Variants in TRIB3 observed in about 807,000 individuals in gnomAD.
TRIB3 encodes the protein tribbles pseudokinase 3.
A neutral mutation model predicts 16.6 loss-of-function variants in TRIB3; 20 were observed. The observed-to-expected ratio is 1.20, with a 90% CI of 0.85 to 1.75. The LOEUF (loss-of-function observed/expected upper bound fraction) is 1.75. Among genes scored for constraint, TRIB3 ranks in the 40% most tolerant of loss-of-function variants. The pLI, the probability that TRIB3 is intolerant of heterozygous loss-of-function variation, is 0.00. For missense variants in TRIB3, 484 were observed against 488.9 expected (o/e 0.99, Z 0.10); for synonymous variants, 208 against 217.0 (o/e 0.96, Z 0.36).
At chr20:387,413 T>C (rs151264003) in intron 1 of TRIB3, among the ~76,000 whole-genome samples, 51 of 151,938 alleles carry the variant, frequency 3.4e-4, no homozygotes, top group African/African-American at 1.2e-3. Context: ...ATATATAACA[T>C]ATTTATATAT....
chr20:390,053 G>A (rs2014930667), intron 2 of TRIB3, among the ~76,000 whole-genome samples: 1 of 152,166 alleles, frequency 6.6e-6, no homozygotes, highest in Non-Finnish European at 1.5e-5. Flanking sequence ...GTGGCCGGGC[G>A]CGGTGGCTCA....
Position 396,529 on chromosome 20 carries a change from G to A in TRIB3, c.916G>A (p.Ala306Thr), listed in dbSNP as rs1315713203. The A allele has an allele frequency of 3.7e-6, 6 of 1,613,048 alleles. No individual in the cohort carries two copies. The highest frequency in any genetic ancestry group is 5.1e-6 in the Non-Finnish European group (6 of 1,180,040). The change falls in exon 4 of 4, where the codon GCC becomes ACC. Residue 306 changes from alanine (A) to threonine (T), a missense_variant. By Grantham distance (58) the Ala-to-Thr change is moderately conservative. Transcript: ENST00000217233. Reference protein sequence around the residue: ...LRREPAERLTATGILLHPWLR... With the variant: ...LRREPAERLTTTGILLHPWLR... ...TCGGGAGCCAGCTGAACGGCTCACA[G>A]CCACAGGCATCCTCCTGCACCCCTG...
At chr20:382,953 C>A (rs2014704276) in intron 1 of TRIB3, among the ~76,000 whole-genome samples, 1 of 152,216 alleles carries the variant, frequency 6.6e-6, no homozygotes, top group South Asian at 2.1e-4. Context: ...ACTCATGTTG[C>A]CTTGTTAATC....
intron 1 of TRIB3, among the ~76,000 whole-genome samples, chr20:381,989 C>A (rs999460077): frequency 6.6e-6 from 1 of 152,190 alleles, no homozygotes; most frequent in Non-Finnish European, 1.5e-5. Context: ...GACTCGGACA[C>A]CCGCCGCCTT....
At chr20:384,488 C>T (rs1220319142) in intron 1 of TRIB3, among the ~76,000 whole-genome samples, 3 of 152,076 alleles carry the variant, frequency 2.0e-5, no homozygotes, top group African/African-American at 4.8e-5. Context: ...CTCAGCCTCC[C>T]GAGTAGCTGG....
chr20:393,370 C>T (rs2015032121), intron 3 of TRIB3, among the ~76,000 whole-genome samples: 1 of 151,706 alleles, frequency 6.6e-6, no homozygotes, highest in Non-Finnish European at 1.5e-5. Flanking sequence ...CTCACTCTGT[C>T]ACCCAGGCTG....
rs1449668826 is a variant in TRIB3 at position 396,674 on chromosome 20, T to A, written c.1061T>A (p.Val354Glu). Reference sequence around the variant, plus strand: ...AGGGAAGAGGAGGGAGACAGAGAAGTGGTTCTGTATGGCTAGGACCACCCT... The same window carrying A: ...AGGGAAGAGGAGGGAGACAGAGAAGAGGTTCTGTATGGCTAGGACCACCCT... ...EAREEEGDRE[V>E]VLYG is the part of the protein sequence containing the mutation. The change falls in exon 4 of 4, where the codon GTG (valine) becomes GAG (glutamate). Residue 354 changes from valine (V) to glutamate (E), a missense_variant. Transcript: ENST00000217233. 12 of 1,610,164 alleles carry A rather than the reference T, an allele frequency of 7.5e-6. No individual in the cohort carries two copies. The South Asian group carries it at 9.9e-5, about 13-fold the overall frequency.
chr20:382,124 T>TGTGTGTGC (rs1328381663), intron 1 of TRIB3, among the ~76,000 whole-genome samples: 4 of 115,366 alleles, frequency 3.5e-5, no homozygotes, highest in African/African-American at 1.3e-4. Context: ...TGTGTGTGTG[T>TGTGTGTGC]GTGCGTGCGC....
intron 2 of TRIB3, among the ~76,000 whole-genome samples, chr20:388,783 C>T (rs1038138301): frequency 1.3e-5 from 2 of 152,060 alleles, no homozygotes; most frequent in Non-Finnish European, 2.9e-5. Context: ...CTGGGCTGTG[C>T]GGAGCTACTG....
At chr20:382,489 GATGT>G (rs1212443088) in intron 1 of TRIB3, 2 of 1,526,382 alleles carry the variant, frequency 1.3e-6, no homozygotes, top group Non-Finnish European at 8.8e-7. Context: ...ACAGCCTTGA[GATGT>G]AAGGAGTGTC....
chr20:389,872 C>T (rs6133018), intron 2 of TRIB3, among the ~76,000 whole-genome samples: 13,183 of 152,250 alleles, frequency 0.087, 733 homozygotes, highest in South Asian at 0.27. Context: ...AGATCAAAAT[C>T]TTGTCTTTGT....
At chr20:393,117 TGCTCTC>T (rs879389264) in intron 3 of TRIB3, among the ~76,000 whole-genome samples, 26,616 of 142,692 alleles carry the variant, frequency 0.19, 3,028 homozygotes, top group East Asian at 0.29. Context: ...CTTTAACCAG[TGCTCTC>T]CAATGTTAAC....
chr20:382,390 TG>T, intron 1 of TRIB3: 1 of 754,200 alleles, frequency 1.3e-6, no homozygotes, highest in Non-Finnish European at 2.1e-6. Context: ...ACTACTGATG[TG>T]GCACAGGCCA....
intron 1 of TRIB3, chr20:382,681 CTGTAAGCTT>C: frequency 1.7e-6 from 2 of 1,174,760 alleles, no homozygotes; most frequent in Non-Finnish European, 2.4e-6. Flanking sequence ...CACGAAAAAC[CTGTAAGCTT>C]TGCATCCTGT....
intron 1 of TRIB3, chr20:382,683 G>C (rs559302237): frequency 2.6e-6 from 3 of 1,144,004 alleles, no homozygotes; most frequent in Non-Finnish European, 3.8e-6. Flanking sequence ...CGAAAAACCT[G>C]TAAGCTTTGC....
In TRIB3 at chr20:388,014, C is replaced by T. The variant is rs561436808; in HGVS notation, c.4C>T (p.Arg2Ter). Residue 2 changes from arginine to a stop codon, truncating the protein, a stop_gained, in exon 2 of 4, where the codon CGA (arginine) becomes TGA (stop). Transcript: ENST00000217233. LOFTEE classifies it high-confidence loss of function. M[R>*]ATPLAAPAGS... is the part of the protein sequence containing the mutation. ...GCTTTTCTCTCCTTTTTACCAGATG[C>T]GAGCCACCCCTCTGGCTGCTCCTGC... The T allele has an allele frequency of 8.1e-6, 13 of 1,610,564 alleles. No individual in the cohort carries two copies. Among genetic ancestry groups the T allele is most frequent in the African/African-American group, 5.3e-5 (4 of 74,994 alleles).
At position 394,766 on chromosome 20, in the gene TRIB3, G is replaced by T. The variant is rs150516591; in HGVS notation, c.585-1432G>T. Among the ~76,000 whole-genome samples the T allele has an allele frequency of 6.6e-5, 10 of 151,666 alleles. 1 individual carries two copies. The East Asian group carries it at 1.9e-3, about 29-fold the overall frequency. On this transcript the variant is annotated intron_variant, in intron 3 of 3. Transcript: ENST00000217233. ...GCACCACTGCACTCCAGCCTGGGTGGCAGAGTGAGACCCTATCTCTAAAGA... is the reference window on the plus strand; with the variant it reads ...GCACCACTGCACTCCAGCCTGGGTGTCAGAGTGAGACCCTATCTCTAAAGA...
intron 1 of TRIB3, chr20:382,593 T>G (rs1297160858): frequency 1.3e-6 from 2 of 1,534,796 alleles, no homozygotes; most frequent in Non-Finnish European, 1.7e-6. Flanking sequence ...TGAGTGCTAA[T>G]AATGACCATT....
Position 396,963 on chromosome 20 carries a change from A to G in TRIB3, c.*273A>G. 2 of 429,510 alleles carry G rather than the reference A, an allele frequency of 4.7e-6. No individual in the cohort carries two copies. The highest frequency in any genetic ancestry group is 8.4e-6 in the Non-Finnish European group (2 of 239,072). The allele number at this position is 429,510 out of a possible 1,614,324, so 26.6% of individuals were successfully genotyped here. Reference sequence around the variant, plus strand: ...ATATTCCCTGCTCACAGAGATGACAAACTGGCATCCTTGAGCTGACAACAC... The same window carrying G: ...ATATTCCCTGCTCACAGAGATGACAGACTGGCATCCTTGAGCTGACAACAC... On this transcript the variant is annotated 3_prime_UTR_variant, in exon 4 of 4. Coordinates refer to ENST00000217233, the MANE Select transcript of TRIB3 (RefSeq NM_021158.5).
Sources: gnomAD v4.1 joint callset for allele counts (sites outside exome capture counted in the v4.1 genomes callset) on GRCh38, gnomAD v4.1.1 for gene constraint, MANE v1.5 for transcripts, NCBI Gene and HGNC (gene_info 2026-07-23, HGNC 2026-07-21) for gene names.